LRRC8D: variants seen among roughly 807,000 people sequenced by gnomAD.
The protein encoded by LRRC8D is leucine rich repeat containing 8 VRAC subunit D.
A neutral mutation model predicts 55.8 loss-of-function variants in LRRC8D; 20 were observed. The ratio of observed to expected loss-of-function variants is 0.36; its 90% CI spans 0.25 to 0.52. The LOEUF (loss-of-function observed/expected upper bound fraction) is 0.52. LRRC8D is among the 20% of genes least tolerant of loss of function. The pLI is 0.93. For synonymous variants in LRRC8D, 352 were observed against 377.0 expected, an observed-to-expected ratio of 0.93 and a Z score of 0.77; for missense variants, 651 against 1,030.8, an observed-to-expected ratio of 0.63 and a Z score of 5.05.
intron 2 of LRRC8D, among the ~76,000 whole-genome samples, chr1:89,852,143 C>G (rs1661435038): frequency 6.6e-6 from 1 of 152,116 alleles, no homozygotes; most frequent in South Asian, 2.1e-4. Flanking sequence ...GGTCCGAAAC[C>G]TGCTGAGACG....
intron 2 of LRRC8D, among the ~76,000 whole-genome samples, chr1:89,896,210 C>G (rs1184279349): frequency 6.6e-6 from 1 of 151,938 alleles, no homozygotes; most frequent in Non-Finnish European, 1.5e-5. Context: ...TGAAGACTCC[C>G]TTGTGGGTGA....
chr1:89,925,736 G>T (rs1486922666), intron 2 of LRRC8D, among the ~76,000 whole-genome samples: 5 of 152,154 alleles, frequency 3.3e-5, no homozygotes, highest in African/African-American at 1.2e-4. Flanking sequence ...TAATTCAGTC[G>T]ATGGTTGAAA....
intron 2 of LRRC8D, among the ~76,000 whole-genome samples, chr1:89,914,551 T>TA (rs923006117): frequency 6.6e-5 from 10 of 152,304 alleles, no homozygotes; most frequent in African/African-American, 2.2e-4. Flanking sequence ...TATCTATACT[T>TA]ACGTTTATAT....
chr1:89,930,507 C>CAT (rs1350753085), intron 2 of LRRC8D, among the ~76,000 whole-genome samples: 1 of 152,090 alleles, frequency 6.6e-6, no homozygotes, highest in Admixed American at 6.6e-5. Flanking sequence ...GGACCACCAT[C>CAT]ATATATGCAG....
intron 2 of LRRC8D, among the ~76,000 whole-genome samples, chr1:89,860,681 C>T (rs1428876225): frequency 7.3e-6 from 1 of 136,980 alleles, no homozygotes; most frequent in East Asian, 2.3e-4. Flanking sequence ...TCACTTGAAC[C>T]TGGGAGGTGG....
At chr1:89,842,214 GA>G (rs55785953) in intron 1 of LRRC8D, among the ~76,000 whole-genome samples, 6 of 130,556 alleles carry the variant, frequency 4.6e-5, no homozygotes, top group East Asian at 2.3e-4. Flanking sequence ...CTCTGTCTCA[GA>G]AAAAAAAAAA....
chr1:89,856,445 G>A (rs1414572263), intron 2 of LRRC8D, among the ~76,000 whole-genome samples: 3 of 152,196 alleles, frequency 2.0e-5, no homozygotes, highest in Non-Finnish European at 4.4e-5. Flanking sequence ...ATGCTCTTAT[G>A]ATTGGCAGAT....
intron 2 of LRRC8D, among the ~76,000 whole-genome samples, chr1:89,886,323 A>G (rs1439087892): frequency 1.3e-5 from 2 of 152,114 alleles, no homozygotes; most frequent in African/African-American, 4.8e-5. Flanking sequence ...GTAACTTCTT[A>G]AGGGATGGAA....
At chr1:89,869,388 G>A (rs1162286833) in intron 2 of LRRC8D, among the ~76,000 whole-genome samples, 1 of 152,162 alleles carries the variant, frequency 6.6e-6, no homozygotes, top group African/African-American at 2.4e-5. Flanking sequence ...ATGAAATAAA[G>A]CGAGAAGACA....
intron 1 of LRRC8D, among the ~76,000 whole-genome samples, chr1:89,824,972 C>T (rs1660729500): frequency 6.6e-6 from 1 of 152,156 alleles, no homozygotes. Context: ...ATAGTCAAAA[C>T]CCCCAGATAT....
At chr1:89,843,958 G>GATA (rs1661206974) in intron 2 of LRRC8D, among the ~76,000 whole-genome samples, 176 bp downstream of exon 2, 3 of 152,134 alleles carry the variant, frequency 2.0e-5, no homozygotes, top group Admixed American at 2.0e-4. Context: ...CCCTGGGTTC[G>GATA]GGCCGGCGGA....
Position 89,934,814 on chromosome 1 carries a change from A to T in LRRC8D, c.1746A>T (p.Glu582Asp). The change falls in exon 3 of 3, where the codon GAA becomes GAT. Residue 582 changes from glutamate (E) to aspartate (D), a missense_variant. Coordinates refer to ENST00000337338, the MANE Select transcript of LRRC8D (RefSeq NM_001134479.2). This position sits in a 1 kb window ranked among gnomAD's most constrained non-coding sequence, Gnocchi z 5.9. ...AAAACAATAAGATGATAGGACTTGA[A>T]TCTCTCCGAGAGTTGCGGCACCTTA... ...NSENNKMIGL[E>D]SLRELRHLKI... 1.2e-6 allele frequency: 2 copies of T among 1,614,116 alleles called. No homozygotes were observed. Among genetic ancestry groups the T allele is most frequent in the Non-Finnish European group, 1.7e-6 (2 of 1,180,014 alleles).
At chr1:89,831,580 G>A (rs1344740490) in intron 1 of LRRC8D, among the ~76,000 whole-genome samples, 1 of 152,086 alleles carries the variant, frequency 6.6e-6, no homozygotes, top group Non-Finnish European at 1.5e-5. Context: ...GGGGTAAATG[G>A]GGAAGAAAGA....
At chr1:89,905,500 A>G (rs996364586) in intron 2 of LRRC8D, among the ~76,000 whole-genome samples, 7 of 152,196 alleles carry the variant, frequency 4.6e-5, no homozygotes, top group African/African-American at 1.7e-4. Flanking sequence ...AAAACTACCC[A>G]CTATTGAAGT....
chr1:89,866,799 A>C (rs144996995), intron 2 of LRRC8D, among the ~76,000 whole-genome samples: 166 of 152,200 alleles, frequency 1.1e-3, no homozygotes, highest in African/African-American at 3.3e-3. Flanking sequence ...GAGAATACAC[A>C]CCTGTTGAGG....
intron 2 of LRRC8D, among the ~76,000 whole-genome samples, chr1:89,917,953 C>G (rs903327597): frequency 1.3e-5 from 2 of 152,270 alleles, no homozygotes; most frequent in African/African-American, 2.4e-5. Context: ...TTCCCCTACA[C>G]TATGCACTGT....
chr1:89,833,065 T>G (rs1239685246), intron 1 of LRRC8D, among the ~76,000 whole-genome samples: 1 of 152,222 alleles, frequency 6.6e-6, no homozygotes, highest in Non-Finnish European at 1.5e-5. Flanking sequence ...GGCTTCAGGA[T>G]CTGTGCTTTT....
chr1:89,907,183 CTTTTTT>C (rs71584958), intron 2 of LRRC8D, among the ~76,000 whole-genome samples: 23 of 69,774 alleles, frequency 3.3e-4, no homozygotes, highest in Non-Finnish European at 5.6e-4. Context: ...TCCACTGTGT[CTTTTTT>C]TTTTTTTTTT....
intron 1 of LRRC8D, among the ~76,000 whole-genome samples, chr1:89,832,663 C>T (rs376266188): frequency 3.3e-5 from 5 of 152,226 alleles, no homozygotes; most frequent in South Asian, 2.1e-4. Context: ...TTCCACTGCT[C>T]GGCCTTCTAG....
Sources: allele counts gnomAD v4.1 joint callset (sites outside exome capture counted in the v4.1 genomes callset), GRCh38; gene constraint gnomAD v4.1.1; non-coding constraint Gnocchi (gnomAD v3.1); transcripts MANE v1.5; gene names NCBI Gene and HGNC (gene_info 2026-07-23, HGNC 2026-07-21).